TNKS: variants seen among roughly 807,000 people sequenced by gnomAD.
TNKS encodes the protein tankyrase.
Under a neutral mutation model 135.8 loss-of-function variants are expected in TNKS, and 72 were observed. That is an observed-to-expected ratio of 0.53 (90% CI 0.44 to 0.64). TNKS has a LOEUF of 0.64. TNKS is among the 30% of genes least tolerant of loss of function. The pLI, the probability that TNKS is intolerant of heterozygous loss-of-function variation, is 0.00. For synonymous variants in TNKS, 849 were observed against 649.3 expected, an observed-to-expected ratio of 1.31 and a Z score of -4.68; for missense variants, 1,769 against 1,674.0, an observed-to-expected ratio of 1.06 and a Z score of -0.99.
At chr8:9,574,774 G>A (rs988830304) in intron 1 of TNKS, among the ~76,000 whole-genome samples, 1 of 151,982 alleles carries the variant, frequency 6.6e-6, no homozygotes, top group African/African-American at 2.4e-5. Flanking sequence ...TTGGTAGCTG[G>A]ACAGATGACA....
At chr8:9,661,282 C>T (rs1209591903) in intron 3 of TNKS, among the ~76,000 whole-genome samples, 1 of 152,164 alleles carries the variant, frequency 6.6e-6, no homozygotes, top group East Asian at 1.9e-4. Flanking sequence ...CCAAGTCAAT[C>T]CTAAGCTGAA....
intron 3 of TNKS, among the ~76,000 whole-genome samples, chr8:9,649,878 CTTTTTTTTTTTTTTTT>C (rs71201959): frequency 1.3e-4 from 11 of 83,364 alleles, no homozygotes; most frequent in South Asian, 4.8e-4. Flanking sequence ...CTTTTCTTTT[CTTTTTTTTTTTTTTTT>C]TTTTTTTTTT....
intron 17 of TNKS, chr8:9,741,049 G>A (rs7812967): frequency 0.72 from 108,646 of 151,774 alleles, 39,154 homozygotes; most frequent in Admixed American, 0.8. Context: ...CTGACCTCGT[G>A]ATCCGCCTGC....
Position 9,733,291 on chromosome 8 carries a change from C to A in TNKS, c.2160C>A (p.Pro720=). ...TTCTTTTGTTTAGTGGCTTGGTGCCCCTTCATAATGCCTGTTCATATGGAC... is the reference window on the plus strand; with the variant it reads ...TTCTTTTGTTTAGTGGCTTGGTGCCACTTCATAATGCCTGTTCATATGGAC... ...VHAKDKGGLV[P]LHNACSYGHY... is the part of the protein sequence containing the mutation. Residue 720 remains proline (P), a synonymous_variant, in exon 15 of 27, where the codon CCC becomes CCA. Coordinates refer to ENST00000310430, the MANE Select transcript of TNKS (RefSeq NM_003747.3). 6.4e-7 allele frequency: 1 copy of A among 1,560,964 alleles called. No homozygotes were observed.
At chr8:9,632,291 T>C (rs1800320301) in intron 3 of TNKS, among the ~76,000 whole-genome samples, 1 of 152,208 alleles carries the variant, frequency 6.6e-6, no homozygotes, top group African/African-American at 2.4e-5. Context: ...CAAATTTTTA[T>C]TATTTGTATT....
chr8:9,606,928 C>A (rs1799244389), intron 2 of TNKS, among the ~76,000 whole-genome samples: 1 of 151,906 alleles, frequency 6.6e-6, no homozygotes, highest in Admixed American at 6.6e-5. Flanking sequence ...AGGTGTTTCC[C>A]ATGTTTCTTT....
intron 3 of TNKS, among the ~76,000 whole-genome samples, chr8:9,667,842 T>G (rs1260139756): frequency 6.9e-6 from 1 of 144,222 alleles, no homozygotes; most frequent in Non-Finnish European, 1.5e-5. Context: ...CTTCTGGGTT[T>G]TTTTTTTTTT....
intron 1 of TNKS, among the ~76,000 whole-genome samples, chr8:9,574,600 C>T (rs7844450): frequency 0.27 from 41,141 of 152,014 alleles, 5,812 homozygotes; most frequent in East Asian, 0.38. Flanking sequence ...TACAATGAAA[C>T]CCAATCTTCT....
At chr8:9,583,825 A>G (rs527884584) in intron 2 of TNKS, among the ~76,000 whole-genome samples, 134 of 151,982 alleles carry the variant, frequency 8.8e-4, no homozygotes, top group Non-Finnish European at 1.0e-3. Context: ...TGAGAATTTC[A>G]TTTTAAAAGC....
chr8:9,721,945 C>T (rs937695513), intron 12 of TNKS, among the ~76,000 whole-genome samples: 1 of 151,520 alleles, frequency 6.6e-6, no homozygotes, highest in African/African-American at 2.4e-5. Context: ...TCCAGCTACT[C>T]GGGAGCCTGA....
At chr8:9,611,963 T>A (rs2128763911) in intron 2 of TNKS, among the ~76,000 whole-genome samples, 1 of 152,382 alleles carries the variant, frequency 6.6e-6, no homozygotes, top group East Asian at 1.9e-4. Flanking sequence ...GAAGAGATTC[T>A]ATTTGAAGCA....
intron 20 of TNKS, among the ~76,000 whole-genome samples, chr8:9,754,051 C>G (rs975439884): frequency 6.6e-6 from 1 of 152,194 alleles, no homozygotes; most frequent in Non-Finnish European, 1.5e-5. Context: ...TCCTCTCTAT[C>G]TCTTCTAAGG....
Position 9,770,127 on chromosome 8 carries a change from G to T in TNKS, c.3762G>T (p.Val1254=). ...ICHRQMLFCR[V]TLGKSFLQFS... The stretch of plus-strand genomic sequence containing the variant: ...TTAGACAAATGCTCTTCTGTAGAGT[G>T]ACCCTTGGGAAATCCTTTCTGCAGT... The change falls in exon 26 of 27, where the codon GTG becomes GTT. Residue 1254 remains valine, a synonymous_variant. Coordinates refer to ENST00000310430, the MANE Select transcript of TNKS (RefSeq NM_003747.3). 1.2e-6 allele frequency: 2 copies of T among 1,612,864 alleles called. No individual in the cohort carries two copies. Among genetic ancestry groups the T allele is most frequent in the South Asian group, 2.2e-5 (2 of 91,038 alleles).
intron 12 of TNKS, 108 bp from the exon 13 acceptor site, chr8:9,726,533 C>T: frequency 1.4e-6 from 1 of 720,194 alleles, no homozygotes; most frequent in South Asian, 2.7e-5. Flanking sequence ...ATTTTTCCTC[C>T]TGAACTACTT....
chr8:9,622,474 T>C (rs1799903216), intron 3 of TNKS, among the ~76,000 whole-genome samples: 1 of 152,178 alleles, frequency 6.6e-6, no homozygotes, highest in Non-Finnish European at 1.5e-5. Context: ...TTTTTACAGA[T>C]GGAGAGGTTA....
chr8:9,631,567 C>T (rs1212992748), intron 3 of TNKS, among the ~76,000 whole-genome samples: 1 of 152,160 alleles, frequency 6.6e-6, no homozygotes, highest in East Asian at 1.9e-4. Context: ...TTAGTTATCA[C>T]AATCAAATTT....
intron 19 of TNKS, 37 bp downstream of exon 19, chr8:9,751,883 T>A (rs947353392): frequency 6.3e-7 from 1 of 1,584,146 alleles, no homozygotes; most frequent in African/African-American, 1.3e-5. Context: ...TATTTATACC[T>A]TTTGTTAGTG....
intron 3 of TNKS, among the ~76,000 whole-genome samples, chr8:9,619,775 C>G (rs1318396106): frequency 6.7e-6 from 1 of 150,160 alleles, no homozygotes; most frequent in Non-Finnish European, 1.5e-5. Context: ...CAAAATGTAT[C>G]CGAAATCCTT....
At chr8:9,769,679 G>T (rs1202530510) in intron 25 of TNKS, among the ~76,000 whole-genome samples, 2 of 144,638 alleles carry the variant, frequency 1.4e-5, no homozygotes, top group African/African-American at 5.2e-5. Flanking sequence ...GAGTGCAGTG[G>T]CGCGATCTCG....
Sources: gnomAD v4.1 joint callset for allele counts (sites outside exome capture counted in the v4.1 genomes callset) on GRCh38, gnomAD v4.1.1 for gene constraint, MANE v1.5 for transcripts, NCBI Gene and HGNC (gene_info 2026-07-23, HGNC 2026-07-21) for gene names.